NOP58: variants seen among roughly 807,000 people sequenced by gnomAD.
NOP58 encodes NOP58 ribonucleoprotein.
In NOP58, 44 loss-of-function variants were observed where a neutral mutation model predicts 71.2. The ratio of observed to expected loss-of-function variants is 0.62; its 90% CI spans 0.49 to 0.79. NOP58 has a LOEUF of 0.79. Among genes scored for constraint, NOP58 ranks in the 30% least tolerant of loss-of-function variants. The probability of loss-of-function intolerance (pLI) is 0.00; values close to 1 mark genes in which losing one functional copy is unlikely to be tolerated. For synonymous variants in NOP58, 228 were observed against 200.3 expected (o/e 1.14, Z -1.17); for missense variants, 538 against 620.2 (o/e 0.87, Z 1.41).
intron 3 of NOP58, chr2:202,278,353 C>G (rs577904267): frequency 4.2e-6 from 2 of 472,940 alleles, no homozygotes; most frequent in Non-Finnish European, 8.7e-6. Context: ...GTATACAGCT[C>G]TCTCCTCATT....
chr2:202,282,594 T>G (rs1688724562), intron 4 of NOP58, 122 bp downstream of exon 4: 1 of 931,934 alleles, frequency 1.1e-6, no homozygotes, highest in African/African-American at 1.6e-5. Context: ...TTCTTTTCTC[T>G]AAGCTACATG....
chr2:202,291,366 T>C, intron 8 of NOP58, 96 bp downstream of exon 8: 2 of 879,010 alleles, frequency 2.3e-6, no homozygotes, highest in Non-Finnish European at 3.4e-6. Context: ...TTATTGTTGT[T>C]CACCTGATAA....
At chr2:202,293,333 C>T (rs879420239) in intron 9 of NOP58, among the ~76,000 whole-genome samples, 2 of 151,446 alleles carry the variant, frequency 1.3e-5, no homozygotes, top group Admixed American at 1.3e-4. Context: ...ACCTTAGTTT[C>T]ACTATTGAGT....
chr2:202,296,683 A>G (rs1688997926), intron 10 of NOP58, among the ~76,000 whole-genome samples: 3 of 151,914 alleles, frequency 2.0e-5, no homozygotes, highest in African/African-American at 2.4e-5. Flanking sequence ...ATAAAATAAA[A>G]TGTTAATTAG....
intron 2 of NOP58, among the ~76,000 whole-genome samples, chr2:202,277,604 C>G (rs1482969358): frequency 2.0e-5 from 3 of 152,060 alleles, no homozygotes. Flanking sequence ...AAAAAGGACT[C>G]ACGTACGTTT....
At chr2:202,294,125 G>C (rs1688949893) in intron 9 of NOP58, among the ~76,000 whole-genome samples, 1 of 150,974 alleles carries the variant, frequency 6.6e-6, no homozygotes, top group Non-Finnish European at 1.5e-5. Flanking sequence ...GACCAGCCTG[G>C]CCAACATGGT....
At chr2:202,303,137 G>T in intron 14 of NOP58, 80 bp downstream of exon 14, 1 of 1,486,604 alleles carries the variant, frequency 6.7e-7, no homozygotes, top group Non-Finnish European at 9.1e-7. Flanking sequence ...TATCAGAAAT[G>T]AGCAGGCATT....
At chr2:202,269,613 A>G (rs1034889152) in intron 1 of NOP58, among the ~76,000 whole-genome samples, 1 of 152,108 alleles carries the variant, frequency 6.6e-6, no homozygotes, top group Non-Finnish European at 1.5e-5. Context: ...GCAGTGGCTC[A>G]CGCCTGTAAC....
At chr2:202,272,906 G>A (rs548504457) in intron 1 of NOP58, among the ~76,000 whole-genome samples, 1 of 152,208 alleles carries the variant, frequency 6.6e-6, no homozygotes, top group South Asian at 2.1e-4. Context: ...AGGCCGAGGT[G>A]GGTGCATCAT....
At chr2:202,292,359 C>T (rs773484886) in intron 8 of NOP58, among the ~76,000 whole-genome samples, 1 of 151,784 alleles carries the variant, frequency 6.6e-6, no homozygotes, top group Non-Finnish European at 1.5e-5. Context: ...AAGTAGTTTA[C>T]ATACATTATA....
intron 3 of NOP58, among the ~76,000 whole-genome samples, chr2:202,282,004 C>G (rs1232561765): frequency 1.3e-5 from 2 of 152,164 alleles, no homozygotes; most frequent in Non-Finnish European, 2.9e-5. Context: ...TATTTCAGGA[C>G]AGTCTATTTG....
intron 9 of NOP58, among the ~76,000 whole-genome samples, chr2:202,294,459 A>C (rs1043349851): frequency 6.6e-6 from 1 of 152,160 alleles, no homozygotes; most frequent in African/African-American, 2.4e-5. Context: ...AGCATATCCA[A>C]CTAAGCAGCA....
In NOP58 at chr2:202,277,945, T is replaced by C; in HGVS notation, c.123-5T>C. Reference sequence around the variant, plus strand: ...CATGTTTATCTCTTTTTTTTTTAATTCTAGAGTAAAGCTAAAACATTTTGA... The same window carrying C: ...CATGTTTATCTCTTTTTTTTTTAATCCTAGAGTAAAGCTAAAACATTTTGA... On this transcript the variant is annotated splice_polypyrimidine_tract_variant and splice_region_variant and intron_variant, in intron 2 of 14. Transcript: ENST00000264279. 6.9e-7 allele frequency: 1 copy of C among 1,444,284 alleles called. No individual in the cohort carries two copies. The highest frequency in any genetic ancestry group is 1.2e-5 in the South Asian group (1 of 82,140). The allele number at this position is 1,444,284 out of a possible 1,614,324, so 89.5% of individuals were successfully genotyped here.
rs74603181 is a variant in NOP58 at position 202,277,932 on chromosome 2, T to C, written c.123-18T>C. The C allele has an allele frequency of 3.5e-6, 3 of 868,742 alleles. No individual in the cohort carries two copies. Among genetic ancestry groups the C allele is most frequent in the African/African-American group, 5.3e-5 (1 of 19,016 alleles). 53.8% of individuals were successfully genotyped at this position (868,742 alleles called of 1,614,324 possible). A position where few individuals can be genotyped will look rare whatever the true frequency, so the allele number is the denominator to read the frequency against. On this transcript the variant is annotated intron_variant, in intron 2 of 14. Coordinates refer to ENST00000264279, the MANE Select transcript of NOP58 (RefSeq NM_015934.5). ...CTGCCCCCAATAACATGTTTATCTC[T>C]TTTTTTTTTAATTCTAGAGTAAAGC... is the stretch of plus-strand genomic sequence containing the variant.
At chr2:202,287,568 TA>T in intron 5 of NOP58, 91 bp from the exon 6 acceptor site, 2 of 986,632 alleles carry the variant, frequency 2.0e-6, no homozygotes, top group Non-Finnish European at 3.1e-6. Context: ...CTGATTTGAG[TA>T]AAAACAAAAA....
rs371777772 is a variant in NOP58 at position 202,291,249 on chromosome 2, T to C, written c.759T>C (p.Asn253=). 5 of 1,608,958 alleles carry C rather than the reference T, an allele frequency of 3.1e-6. No individual in the cohort carries two copies. Among genetic ancestry groups the C allele is most frequent in the South Asian group, 2.2e-5 (2 of 89,708 alleles). ...AGGTTTCAGAAGAAGATATTTGCAATATTCTGCATCTTTGCACCCAGGTAA... is the reference window on the plus strand; with the variant it reads ...AGGTTTCAGAAGAAGATATTTGCAACATTCTGCATCTTTGCACCCAGGTAA... The part of the protein sequence containing the change: ...GTEVSEEDIC[N]ILHLCTQVIE... Residue 253 remains asparagine (N), a synonymous_variant, in exon 8 of 15, where the codon AAT becomes AAC. Coordinates refer to ENST00000264279, the MANE Select transcript of NOP58 (RefSeq NM_015934.5).
At chr2:202,288,485 TAAA>T (rs369945744) in intron 6 of NOP58, among the ~76,000 whole-genome samples, 6 of 115,098 alleles carry the variant, frequency 5.2e-5, no homozygotes, top group African/African-American at 6.2e-5. Context: ...TCCATCTCAC[TAAA>T]AAAAAAAAAA....
At chr2:202,291,937 G>C (rs1688907764) in intron 8 of NOP58, among the ~76,000 whole-genome samples, 1 of 127,440 alleles carries the variant, frequency 7.8e-6, no homozygotes, top group African/African-American at 2.9e-5. Context: ...GAATTAAAAA[G>C]AGCATGATAC....
chr2:202,266,097 C>A, intron 1 of NOP58, 111 bp downstream of exon 1: 1 of 1,288,670 alleles, frequency 7.8e-7, no homozygotes, highest in Non-Finnish European at 1.1e-6. Context: ...CTGTTATAGC[C>A]CGGGCTCTGG....
Sources: gnomAD v4.1 joint callset for allele counts (sites outside exome capture counted in the v4.1 genomes callset) on GRCh38, gnomAD v4.1.1 for gene constraint, MANE v1.5 for transcripts, NCBI Gene and HGNC (gene_info 2026-07-23, HGNC 2026-07-21) for gene names.